The following ORC3 variants were observed in gnomAD, a reference collection of about 807,000 sequenced individuals.
ORC3 encodes the protein origin recognition complex subunit 3.
In ORC3, 78 loss-of-function variants were observed where a neutral mutation model predicts 100.7. That is an observed-to-expected ratio of 0.77 (90% CI 0.65 to 0.94). The LOEUF (loss-of-function observed/expected upper bound fraction) is 0.94. Ranked by LOEUF, ORC3 falls within the 40% of genes least tolerant of loss-of-function variation. The probability of loss-of-function intolerance (pLI) is 0.00; values close to 1 mark genes in which losing one functional copy is unlikely to be tolerated. For synonymous variants in ORC3, 295 were observed against 289.3 expected (o/e 1.02, Z -0.20); for missense variants, 789 against 823.9 (o/e 0.96, Z 0.52).
intron 19 of ORC3, among the ~76,000 whole-genome samples, chr6:87,666,737 C>T (rs1770675759): frequency 6.6e-6 from 1 of 152,146 alleles, no homozygotes. Flanking sequence ...CTGACCTGGT[C>T]TGAATTCTCT....
chr6:87,639,940 T>C (rs1768113076), intron 13 of ORC3, among the ~76,000 whole-genome samples: 1 of 151,848 alleles, frequency 6.6e-6, no homozygotes, highest in South Asian at 2.1e-4. Context: ...AAGGTTGCCC[T>C]GAGCTGAGAT....
At chr6:87,618,158 C>T (rs1458278008) in intron 9 of ORC3, among the ~76,000 whole-genome samples, 1 of 152,186 alleles carries the variant, frequency 6.6e-6, no homozygotes, top group Non-Finnish European at 1.5e-5. Flanking sequence ...CGCCTATAAT[C>T]CCAGCACTTG....
chr6:87,662,264 A>C (rs960018578), intron 16 of ORC3, among the ~76,000 whole-genome samples: 20 of 152,100 alleles, frequency 1.3e-4, no homozygotes, highest in African/African-American at 4.6e-4. Context: ...ATCTCTATTA[A>C]AAATACAAAA....
At chr6:87,631,841 A>G (rs549086091) in intron 11 of ORC3, among the ~76,000 whole-genome samples, 7 of 152,228 alleles carry the variant, frequency 4.6e-5, no homozygotes, top group African/African-American at 1.4e-4. Context: ...AGTTTGTAAA[A>G]TAGTGTCCAT....
chr6:87,598,658 CT>C (rs559954997), intron 2 of ORC3, among the ~76,000 whole-genome samples: 1,808 of 130,286 alleles, frequency 0.014, 11 homozygotes, highest in Middle Eastern at 0.031. Context: ...GTTTGCTAGG[CT>C]TTTTTTTTTT....
intron 19 of ORC3, 53 bp from the exon 20 acceptor site, chr6:87,666,965 T>A (rs530635369): frequency 9.8e-7 from 1 of 1,017,470 alleles, no homozygotes; most frequent in African/African-American, 1.6e-5. Flanking sequence ...GAGATTTTAA[T>A]CCCTTTTTGT....
At chr6:87,599,778 C>A (rs887075700) in intron 2 of ORC3, among the ~76,000 whole-genome samples, 2 of 152,082 alleles carry the variant, frequency 1.3e-5, no homozygotes, top group Non-Finnish European at 2.9e-5. Context: ...GTGTTCAAGA[C>A]CAGCCTGGCC....
intron 4 of ORC3, among the ~76,000 whole-genome samples, chr6:87,605,089 T>C (rs943769243): frequency 2.0e-5 from 3 of 152,202 alleles, no homozygotes; most frequent in Admixed American, 2.0e-4. Context: ...ATTTGATAAC[T>C]GTATGCGGTG....
intron 3 of ORC3, 60 bp downstream of exon 3, chr6:87,601,941 A>G (rs1324437828): frequency 6.4e-6 from 6 of 943,346 alleles, no homozygotes; most frequent in Non-Finnish European, 8.7e-6. Context: ...GTTGCATCTC[A>G]TCTTCCTTTC....
intron 13 of ORC3, among the ~76,000 whole-genome samples, chr6:87,646,793 CCT>C (rs1483825604): frequency 1.3e-5 from 2 of 152,216 alleles, no homozygotes; most frequent in African/African-American, 2.4e-5. Context: ...TAAGCCTATA[CCT>C]CTCTCCTGAG....
intron 1 of ORC3, among the ~76,000 whole-genome samples, chr6:87,591,026 A>G (rs751378366): frequency 1.3e-5 from 2 of 152,244 alleles, no homozygotes; most frequent in Non-Finnish European, 1.5e-5. Context: ...GTCACTCACC[A>G]CATGTGGCTA....
intron 13 of ORC3, among the ~76,000 whole-genome samples, chr6:87,639,523 GC>G (rs1169678120): frequency 1.3e-5 from 2 of 152,156 alleles, no homozygotes; most frequent in Non-Finnish European, 2.9e-5. Flanking sequence ...TTCTGAGCCT[GC>G]AGCCTTCTGC....
chr6:87,622,162 G>A lies in ORC3; in HGVS notation c.1185+149G>A, dbSNP rs961331993. ...TGGGTCTTGATAGTCACCTAGGAAT[G>A]TGAGTTTTAAAGATGACATAAAACC... On this transcript the variant is annotated intron_variant, in intron 11 of 19. Coordinates refer to ENST00000392844, the MANE Select transcript of ORC3 (RefSeq NM_012381.4). 9 of 524,994 alleles carry A rather than the reference G, an allele frequency of 1.7e-5. 1 individual carries two copies. The Admixed American group carries it at 2.2e-4, about 13-fold the overall frequency. 32.5% of individuals were successfully genotyped at this position (524,994 alleles called of 1,614,324 possible). A position where few individuals can be genotyped will look rare whatever the true frequency, so the allele number is the denominator to read the frequency against.
chr6:87,675,057 A>G, the ORC3 span: 1 of 105,268 alleles, frequency 9.5e-6, no homozygotes, highest in African/African-American at 4.9e-5. Context: ...TAAAACTACA[A>G]AAAAAAAAAA....
intron 11 of ORC3, among the ~76,000 whole-genome samples, chr6:87,634,488 C>T (rs1040514909): frequency 2.0e-5 from 3 of 152,214 alleles, no homozygotes; most frequent in Admixed American, 6.5e-5. Context: ...GAGGATAAAG[C>T]ACCTTCCCTT....
chr6:87,604,916 A>G (rs189319729), intron 4 of ORC3, among the ~76,000 whole-genome samples: 2 of 152,300 alleles, frequency 1.3e-5, no homozygotes, highest in African/African-American at 4.8e-5. Flanking sequence ...CTTCCAAGCA[A>G]TGAAAGTTTT....
chr6:87,596,907 A>G (rs916941021), intron 2 of ORC3, among the ~76,000 whole-genome samples: 2 of 152,194 alleles, frequency 1.3e-5, no homozygotes, highest in African/African-American at 4.8e-5. Flanking sequence ...TCCACCAGTA[A>G]GTACCCTACG....
At chr6:87,657,294 C>T (rs1769789463) in intron 15 of ORC3, among the ~76,000 whole-genome samples, 1 of 152,174 alleles carries the variant, frequency 6.6e-6, no homozygotes, top group Admixed American at 6.5e-5. Flanking sequence ...GATTATTTAT[C>T]TGATGTATTT....
intron 9 of ORC3, among the ~76,000 whole-genome samples, chr6:87,616,998 A>C (rs1457637418): frequency 6.6e-6 from 1 of 152,010 alleles, no homozygotes; most frequent in Non-Finnish European, 1.5e-5. Context: ...GGGCTTCACC[A>C]TGTTGGCCAG....
Sources: allele counts gnomAD v4.1 joint callset (sites outside exome capture counted in the v4.1 genomes callset), GRCh38; gene constraint gnomAD v4.1.1; transcripts MANE v1.5; gene names NCBI Gene and HGNC (gene_info 2026-07-23, HGNC 2026-07-21).